The following WIPI1 variants were observed in gnomAD, a reference collection of about 807,000 sequenced individuals.
WIPI1 encodes WD repeat domain phosphoinositide-interacting protein 1.
In WIPI1, 45 loss-of-function variants were observed where a neutral mutation model predicts 55.3. The ratio of observed to expected loss-of-function variants is 0.81; its 90% CI spans 0.64 to 1.04. The LOEUF is 1.04. Among genes scored for constraint, WIPI1 ranks in the 50% least tolerant of loss-of-function variants. The pLI is 0.00. For missense variants in WIPI1, 445 were observed against 559.0 expected, an observed-to-expected ratio of 0.80 and a Z score of 2.06; for synonymous variants, 195 against 217.6, an observed-to-expected ratio of 0.90 and a Z score of 0.92.
chr17:68,451,064 C>G (rs535350369), intron 2 of WIPI1, among the ~76,000 whole-genome samples, 167 bp from the exon 3 acceptor site: 6 of 152,368 alleles, frequency 3.9e-5, no homozygotes, highest in Admixed American at 2.0e-4. Flanking sequence ...CCATGCCCCC[C>G]ACCCTGCCAG....
At chr17:68,422,658 G>A (rs2082875552) in intron 12 of WIPI1, 1 of 150,508 alleles carries the variant, frequency 6.6e-6, no homozygotes. Flanking sequence ...GAACCTAGGA[G>A]GTGGAGGTTG....
intron 1 of WIPI1, 36 bp from the exon 2 acceptor site, chr17:68,453,028 G>A (rs746902025): frequency 6.4e-7 from 1 of 1,558,706 alleles, no homozygotes; most frequent in Non-Finnish European, 8.8e-7. Context: ...AATAACGACA[G>A]GTATTCTAAC....
chr17:68,424,613 C>T (rs749001000), intron 12 of WIPI1: 18 of 453,036 alleles, frequency 4.0e-5, no homozygotes, highest in South Asian at 8.7e-5. Context: ...CGGCGGTTCA[C>T]GCCTGTAATC....
At chr17:68,425,467 A>G (rs1264932286) in intron 12 of WIPI1, among the ~76,000 whole-genome samples, 1 of 145,728 alleles carries the variant, frequency 6.9e-6, no homozygotes, top group African/African-American at 2.6e-5. Context: ...GCAATCCTCC[A>G]GCCTCGGCCT....
rs1404871340 is a variant in WIPI1 at position 68,423,997 on chromosome 17, C to T, written c.1293+2078G>A. On this transcript the variant is annotated intron_variant, in intron 12 of 12. Coordinates refer to ENST00000262139, the MANE Select transcript of WIPI1 (RefSeq NM_017983.7). The surrounding 1 kb of genome is among the most constrained non-coding windows in gnomAD (Gnocchi z 4.4). ...GACAGAGTAGAATGGTCACATTTGT[C>T]CCCACGGTGTCTGACCTAGAGTGCT... 2.0e-5 allele frequency among the ~76,000 whole-genome samples: 3 copies of T among 152,124 alleles called. No homozygotes were observed. The East Asian group carries it at 5.8e-4, about 29-fold the overall frequency.
chr17:68,425,324 G>T (rs565746441), intron 12 of WIPI1, among the ~76,000 whole-genome samples: 2 of 151,794 alleles, frequency 1.3e-5, no homozygotes, highest in African/African-American at 4.8e-5. Context: ...CCATCTCAGC[G>T]TCCCGAATAG....
chr17:68,454,314 A>G (rs2084593206), intron 1 of WIPI1, among the ~76,000 whole-genome samples: 3 of 152,358 alleles, frequency 2.0e-5, no homozygotes, highest in South Asian at 4.1e-4. Context: ...CTTTACAGGG[A>G]AGCATATACT....
In WIPI1 at chr17:68,433,451, C is replaced by T. The variant is rs781451684; in HGVS notation, c.800+17G>A. 2 of 1,608,940 alleles carry T rather than the reference C, an allele frequency of 1.2e-6. No homozygotes were observed. Among genetic ancestry groups the T allele is most frequent in the Non-Finnish European group, 1.7e-6 (2 of 1,175,570 alleles). On this transcript the variant is annotated intron_variant, in intron 8 of 12. Coordinates refer to ENST00000262139, the MANE Select transcript of WIPI1 (RefSeq NM_017983.7). ...CCTTTCGTTTAATGAGCATTTGGTG[C>T]CCCGCGGAGTACTTGCCTGTTGGTG...
Position 68,422,004 on chromosome 17 carries a change from A to T in WIPI1, c.1294-184T>A. 4 of 657,224 alleles carry T rather than the reference A, an allele frequency of 6.1e-6. No individual in the cohort carries two copies. The Admixed American group carries it at 9.7e-5, about 16-fold the overall frequency. 40.7% of individuals were successfully genotyped at this position (657,224 alleles called of 1,614,324 possible). A position where few individuals can be genotyped will look rare whatever the true frequency, so the allele number is the denominator to read the frequency against. On this transcript the variant is annotated intron_variant, in intron 12 of 12. Transcript: ENST00000262139. ...CCAGCTTATTTAGGTGTAGACAAGT[A>T]TGACACAGTTCTAGAAAATACTGAC...
At chr17:68,427,448 CT>C in intron 10 of WIPI1, 195 bp from the exon 11 acceptor site, 1 of 405,166 alleles carries the variant, frequency 2.5e-6, no homozygotes, top group Non-Finnish European at 4.5e-6. Context: ...CCTCCGCCTC[CT>C]GGGTTCAAGC....
chr17:68,435,819 CCT>C, intron 5 of WIPI1, 107 bp from the exon 6 acceptor site: 1 of 969,640 alleles, frequency 1.0e-6, no homozygotes, highest in Admixed American at 2.0e-5. Flanking sequence ...TGTCCAGCTC[CCT>C]GTCTCTTCCT....
intron 4 of WIPI1, among the ~76,000 whole-genome samples, chr17:68,442,421 C>T (rs899959975): frequency 8.0e-5 from 12 of 149,424 alleles, no homozygotes; most frequent in African/African-American, 2.2e-4. Flanking sequence ...GCTGAGATTG[C>T]ACCACCTCAC....
intron 8 of WIPI1, among the ~76,000 whole-genome samples, chr17:68,431,221 G>A (rs892005570): frequency 2.0e-5 from 3 of 152,200 alleles, no homozygotes; most frequent in African/African-American, 7.2e-5. Flanking sequence ...GTCCAGGCAG[G>A]AGCTAGTCCA....
chr17:68,434,706 T>G, intron 6 of WIPI1, 80 bp from the exon 7 acceptor site: 5 of 1,477,172 alleles, frequency 3.4e-6, no homozygotes, highest in Non-Finnish European at 4.6e-6. Flanking sequence ...GAGTTTGTTT[T>G]ATTGGTTTTG....
At chr17:68,450,244 G>A (rs2084445608) in intron 3 of WIPI1, among the ~76,000 whole-genome samples, 1 of 152,246 alleles carries the variant, frequency 6.6e-6, no homozygotes, top group African/African-American at 2.4e-5. Flanking sequence ...CCTTCCAGGA[G>A]AGCTGAGGAC....
intron 4 of WIPI1, among the ~76,000 whole-genome samples, chr17:68,443,264 C>G (rs1398220483): frequency 1.3e-5 from 2 of 152,106 alleles, no homozygotes; most frequent in African/African-American, 4.8e-5. Flanking sequence ...GCACTCGCCA[C>G]CATGCTCAGC....
At chr17:68,437,993 AGTTAGTATATTAAGTGGGTTTCTTCT>A (rs2083902285) in intron 4 of WIPI1, among the ~76,000 whole-genome samples, 1 of 147,646 alleles carries the variant, frequency 6.8e-6, no homozygotes, top group Non-Finnish European at 1.5e-5. Context: ...GTCTATTACA[AGTTAGTATATTAAGTGGGTTTCTTCT>A]AAAAGTATAA....
chr17:68,452,809 G>A, intron 2 of WIPI1, 101 bp downstream of exon 2: 1 of 1,057,894 alleles, frequency 9.5e-7, no homozygotes, highest in South Asian at 1.4e-5. Flanking sequence ...TGATGGCTAA[G>A]GAAGGGAAAA....
chr17:68,455,896 G>C (rs1339513903), intron 1 of WIPI1, among the ~76,000 whole-genome samples: 2 of 152,106 alleles, frequency 1.3e-5, no homozygotes, highest in African/African-American at 4.8e-5. Flanking sequence ...AATTGGGAAG[G>C]AAAACATCAC....
Sources: gnomAD v4.1 joint callset for allele counts (sites outside exome capture counted in the v4.1 genomes callset) on GRCh38, gnomAD v4.1.1 for gene constraint, Gnocchi (gnomAD v3.1) non-coding constraint, MANE v1.5 for transcripts, NCBI Gene and HGNC (gene_info 2026-07-23, HGNC 2026-07-21) for gene names.